The following PKHD1 variants were observed in gnomAD, a reference collection of about 807,000 sequenced individuals.
PKHD1 encodes PKHD1 ciliary IPT domain containing fibrocystin/polyductin.
Under a neutral mutation model 412.0 loss-of-function variants are expected in PKHD1, and 291 were observed. That is an observed-to-expected ratio of 0.71 (90% confidence interval 0.64 to 0.78). The LOEUF is 0.78. Ranked by LOEUF, PKHD1 falls within the 30% of genes least tolerant of loss-of-function variation. PKHD1 has a pLI of 0.00. For synonymous variants in PKHD1, 1,777 were observed against 1,821.5 expected (o/e 0.98, Z 0.62); for missense variants, 4,825 against 4,950.7 (o/e 0.97, Z 0.76).
chr6:51,839,848 A>G (rs910093010), intron 50 of PKHD1, among the ~76,000 whole-genome samples: 5 of 151,780 alleles, frequency 3.3e-5, no homozygotes, highest in Admixed American at 2.6e-4. Flanking sequence ...ACATTTATCT[A>G]GTGTGTCAGC....
At chr6:51,840,491 T>A (rs1769990301) in intron 50 of PKHD1, among the ~76,000 whole-genome samples, 1 of 136,584 alleles carries the variant, frequency 7.3e-6, no homozygotes, top group Non-Finnish European at 1.6e-5. Context: ...CAATTAAACC[T>A]TCTTAATTAA....
intron 43 of PKHD1, among the ~76,000 whole-genome samples, chr6:51,889,838 GT>G (rs983505039): frequency 2.0e-5 from 3 of 152,142 alleles, no homozygotes; most frequent in Non-Finnish European, 2.9e-5. Flanking sequence ...TCCTGGTGAA[GT>G]TTTTTGCCAT....
chr6:51,989,005 G>T (rs1207909701), intron 35 of PKHD1, among the ~76,000 whole-genome samples: 1 of 152,178 alleles, frequency 6.6e-6, no homozygotes, highest in Non-Finnish European at 1.5e-5. Flanking sequence ...TTTAGAAAAG[G>T]ATGAAATCTG....
intron 35 of PKHD1, among the ~76,000 whole-genome samples, chr6:52,000,649 G>T (rs1388817809): frequency 6.6e-6 from 1 of 152,146 alleles, no homozygotes; most frequent in Non-Finnish European, 1.5e-5. Context: ...CACAGAAACT[G>T]TTATTTTAAG....
intron 49 of PKHD1, among the ~76,000 whole-genome samples, chr6:51,853,646 A>G (rs1304575840): frequency 6.6e-6 from 1 of 151,378 alleles, no homozygotes. Context: ...TCTTGTGTGC[A>G]TGTCTTATTT....
intron 37 of PKHD1, 31 bp downstream of exon 37, chr6:51,934,079 T>C (rs759315151): frequency 6.6e-7 from 1 of 1,524,658 alleles, no homozygotes; most frequent in Non-Finnish European, 9.1e-7. Flanking sequence ...ACAGCTCTAC[T>C]TCATTTCCTC....
rs534091017 is a variant in PKHD1 at position 51,870,680 on chromosome 6, A to C, written c.7351-41T>G. 1.0e-5 allele frequency: 15 copies of C among 1,501,000 alleles called. No homozygotes were observed. In the South Asian group the frequency reaches 1.4e-4, roughly 14 times the overall value. The allele number at this position is 1,501,000 out of a possible 1,614,324, so 93.0% of individuals were successfully genotyped here. On this transcript the variant is annotated intron_variant, in intron 46 of 66. Transcript: ENST00000371117. ...AAAAAAGATGAAAGCAAAATAAGAA[A>C]ACTGGACACATGAAATACAATTCAT... is the stretch of plus-strand genomic sequence containing the variant.
At chr6:51,672,473 T>G (rs1775161696) in intron 60 of PKHD1, among the ~76,000 whole-genome samples, 1 of 152,226 alleles carries the variant, frequency 6.6e-6, no homozygotes, top group South Asian at 2.1e-4. Flanking sequence ...AGATTTGTTT[T>G]GGAGCCTTGC....
chr6:51,709,199 C>T (rs570004939), intron 60 of PKHD1, among the ~76,000 whole-genome samples: 2 of 152,182 alleles, frequency 1.3e-5, no homozygotes, highest in South Asian at 2.1e-4. Flanking sequence ...GCACCATGTT[C>T]ACCTTTATCA....
chr6:52,009,041 G>A (rs911581489), intron 35 of PKHD1, among the ~76,000 whole-genome samples: 2 of 152,194 alleles, frequency 1.3e-5, no homozygotes, highest in Non-Finnish European at 2.9e-5. Context: ...ATACACTTTT[G>A]AAATGTCACT....
intron 50 of PKHD1, among the ~76,000 whole-genome samples, chr6:51,846,929 A>G (rs937362961): frequency 2.0e-5 from 3 of 152,026 alleles, no homozygotes; most frequent in African/African-American, 7.2e-5. Context: ...CCTCATACCA[A>G]TGGTCATAAT....
intron 27 of PKHD1, among the ~76,000 whole-genome samples, chr6:52,041,596 C>T (rs1193344717): frequency 1.3e-5 from 2 of 152,206 alleles, no homozygotes; most frequent in African/African-American, 4.8e-5. Flanking sequence ...CTCTCCCTCT[C>T]CCTTTCCCCA....
In PKHD1 at chr6:52,080,013, G is replaced by A; in HGVS notation, c.282-5C>T. The A allele has an allele frequency of 6.5e-7, 1 of 1,541,178 alleles. No homozygotes were observed. The highest frequency in any genetic ancestry group is 9.0e-7 in the Non-Finnish European group (1 of 1,113,716). On this transcript the variant is annotated splice_polypyrimidine_tract_variant and splice_region_variant and intron_variant, in intron 4 of 66. Transcript: ENST00000371117. The stretch of plus-strand genomic sequence containing the variant: ...TGTGCTTCAGACAGCACAGATCTGA[G>A]GACAGAAAGTGGAAATCCTTATGAA...
intron 55 of PKHD1, 132 bp from the exon 56 acceptor site, chr6:51,755,070 A>T (rs188557728): frequency 3.9e-4 from 328 of 830,382 alleles, no homozygotes; most frequent in Non-Finnish European, 5.8e-4. Flanking sequence ...GAAATAAGAC[A>T]TGGCAGTGGA....
chr6:51,846,862 C>T (rs539079149), intron 50 of PKHD1, among the ~76,000 whole-genome samples: 43 of 152,152 alleles, frequency 2.8e-4, no homozygotes, highest in Non-Finnish European at 1.8e-4. Context: ...CATAAACTTC[C>T]GTCTTAATTC....
At position 51,783,625 on chromosome 6, in the gene PKHD1, A is replaced by G. The variant is rs369858301; in HGVS notation, c.8440+7611T>C. Among the ~76,000 whole-genome samples, 43 of 152,164 alleles carry G rather than the reference A, an allele frequency of 2.8e-4. 1 individual carries two copies. The South Asian group carries it at 8.7e-3, about 31-fold the overall frequency. On this transcript the variant is annotated intron_variant, in intron 53 of 66. Coordinates refer to ENST00000371117, the MANE Select transcript of PKHD1 (RefSeq NM_138694.4). ...TTAAAGCATGAGAACAATGTCTCAT[A>G]TAAGAGGAGACATTGATGAAAGGGA... is the stretch of plus-strand genomic sequence containing the variant.
At chr6:51,665,096 G>A (rs773554798) in intron 60 of PKHD1, among the ~76,000 whole-genome samples, 5 of 151,702 alleles carry the variant, frequency 3.3e-5, no homozygotes, top group African/African-American at 7.3e-5. Context: ...AACATACAAC[G>A]AACAAGATAT....
chr6:52,069,597 C>A (rs1582086600), intron 10 of PKHD1, 70 bp from the exon 11 acceptor site: 1 of 1,157,596 alleles, frequency 8.6e-7, no homozygotes, highest in East Asian at 2.3e-5. Context: ...TAGTCGGCTG[C>A]CTGAAAGGAA....
At chr6:51,621,766 C>T (rs1392598853) in intron 66 of PKHD1, 2 of 152,182 alleles carry the variant, frequency 1.3e-5, no homozygotes, top group African/African-American at 4.8e-5. Flanking sequence ...AGTCAGCACA[C>T]ATTATGTGTC....
Sources: gnomAD v4.1 joint callset for allele counts (sites outside exome capture counted in the v4.1 genomes callset) on GRCh38, gnomAD v4.1.1 for gene constraint, MANE v1.5 for transcripts, NCBI Gene and HGNC (gene_info 2026-07-23, HGNC 2026-07-21) for gene names.